Variants in JAKMIP1 observed in about 807,000 individuals in gnomAD.
The protein encoded by JAKMIP1 is janus kinase and microtubule-interacting protein 1.
In JAKMIP1, 33 loss-of-function variants were observed where a neutral mutation model predicts 113.0. The observed-to-expected ratio is 0.29, with a 90% confidence interval of 0.22 to 0.39. The LOEUF (loss-of-function observed/expected upper bound fraction) is 0.39, where lower values mean the gene tolerates loss of function less well. JAKMIP1 is among the 10% of genes least tolerant of loss of function. The probability of loss-of-function intolerance (pLI) is 1.00; values close to 1 mark genes in which losing one functional copy is unlikely to be tolerated. For missense variants in JAKMIP1, 813 were observed against 1,080.5 expected (o/e 0.75, Z 3.47); for synonymous variants, 480 against 459.9 (o/e 1.04, Z -0.56).
Position 6,081,709 on chromosome 4 carries a change from T to C in JAKMIP1, c.1001A>G (p.Glu334Gly), listed in dbSNP as rs1396727195. 1.2e-6 allele frequency: 2 copies of C among 1,614,148 alleles called. No homozygotes were observed. Among genetic ancestry groups the C allele is most frequent in the South Asian group, 1.1e-5 (1 of 91,078 alleles). ...ETEVQLKPLV[E>G]KNKRMNKKNE... ...CTTCTTGTTCATCCGCTTGTTCTTC[T>C]CCACCAGGGGCTTCAGCTGAACCTC... Residue 334 changes from glutamate to glycine, a missense_variant, in exon 6 of 21, where the codon GAG becomes GGG. Physicochemically the swap from Glu to Gly is moderately conservative, Grantham distance 98. Coordinates refer to ENST00000409021, the MANE Select transcript of JAKMIP1 (RefSeq NM_001099433.2). The surrounding 1 kb of genome is among the most constrained non-coding windows in gnomAD (Gnocchi z 4.6).
At chr4:6,033,697 C>T (rs138039807) in intron 19 of JAKMIP1, among the ~76,000 whole-genome samples, 1 of 152,250 alleles carries the variant, frequency 6.6e-6, no homozygotes, top group East Asian at 1.9e-4. Context: ...AATGCTGCAT[C>T]ATAGCTTTCC....
intron 19 of JAKMIP1, 68 bp downstream of exon 19, chr4:6,035,836 G>A: frequency 7.3e-7 from 1 of 1,362,250 alleles, no homozygotes; most frequent in Non-Finnish European, 1.0e-6. Flanking sequence ...GCCCATCAGG[G>A]TGCCAAGGTG....
intron 1 of JAKMIP1, among the ~76,000 whole-genome samples, chr4:6,166,331 C>T (rs905850861): frequency 1.4e-4 from 22 of 152,336 alleles, no homozygotes; most frequent in Admixed American, 4.6e-4. Context: ...CTGAAGGGCC[C>T]CTGGGCTCCC....
Position 6,176,996 on chromosome 4 carries a change from T to C in JAKMIP1, c.-148+23257A>G, listed in dbSNP as rs943387413. ...TGCAGTGAGCCATGATTTGTGCCAC[T>C]GCACTCCAGCCTGGGTGACAGAGTA... On this transcript the variant is annotated intron_variant, in intron 1 of 20. Transcript: ENST00000409021. The surrounding 1 kb of genome is among the most constrained non-coding windows in gnomAD (Gnocchi z 5.5). 6.6e-6 allele frequency among the ~76,000 whole-genome samples: 1 copy of C among 152,164 alleles called. No homozygotes were observed. Among genetic ancestry groups the C allele is most frequent in the Non-Finnish European group, 1.5e-5 (1 of 68,040 alleles).
At chr4:6,056,290 T>C (rs1260397982) in intron 12 of JAKMIP1, among the ~76,000 whole-genome samples, 2 of 138,978 alleles carry the variant, frequency 1.4e-5, no homozygotes, top group Non-Finnish European at 3.1e-5. Context: ...TCCCCATTTC[T>C]GCAGGGGTCC....
rs1280167963 is a variant in JAKMIP1, at chr4:6,129,123, C to T, written c.-147-16126G>A. On this transcript the variant is annotated intron_variant, in intron 1 of 20. Transcript: ENST00000409021. This position sits in a 1 kb window ranked among gnomAD's most constrained non-coding sequence, Gnocchi z 5.4. The stretch of plus-strand genomic sequence containing the variant: ...TGCTGGATGATGAAGACATCACACA[C>T]CCCACTTTCACTCCGCACTGTGGGG... Among the ~76,000 whole-genome samples the T allele has an allele frequency of 2.0e-5, 3 of 152,218 alleles. No homozygotes were observed. Among genetic ancestry groups the T allele is most frequent in the Admixed American group, 6.5e-5 (1 of 15,286 alleles).
chr4:6,043,061 G>C (rs1714545093), intron 16 of JAKMIP1, among the ~76,000 whole-genome samples: 1 of 152,042 alleles, frequency 6.6e-6, no homozygotes, highest in African/African-American at 2.4e-5. Context: ...GCACAGGGTG[G>C]CTGCCCTGTG....
At chr4:6,148,452 C>T (rs1172215112) in intron 1 of JAKMIP1, among the ~76,000 whole-genome samples, 1 of 152,260 alleles carries the variant, frequency 6.6e-6, no homozygotes, top group African/African-American at 2.4e-5. Flanking sequence ...TACTGTTCCC[C>T]ACAGTCCTTC....
chr4:6,085,318 G>GTGAT, intron 4 of JAKMIP1, 102 bp downstream of exon 4: 2 of 974,096 alleles, frequency 2.1e-6, no homozygotes, highest in Non-Finnish European at 3.0e-6. Flanking sequence ...GAATGAATGA[G>GTGAT]TGAATACATG....
chr4:6,050,099 T>A lies in JAKMIP1; in HGVS notation c.1909-227A>T, dbSNP rs1715467813. 6.6e-6 allele frequency among the ~76,000 whole-genome samples: 1 copy of A among 152,206 alleles called. No homozygotes were observed. The highest frequency in any genetic ancestry group is 1.5e-5 in the Non-Finnish European group (1 of 68,032). On this transcript the variant is annotated intron_variant, in intron 14 of 20. Transcript: ENST00000409021. The surrounding 1 kb of genome is among the most constrained non-coding windows in gnomAD (Gnocchi z 7.4). ...CAAACACTGCTTTCTAGAAAGGCCA[T>A]GGAAGCGGGTGAGTCAGGACGCTGT...
intron 3 of JAKMIP1, among the ~76,000 whole-genome samples, chr4:6,101,283 G>C (rs374779012): frequency 7.2e-4 from 110 of 152,104 alleles, no homozygotes; most frequent in African/African-American, 2.5e-3. Context: ...GTGTGTGTGT[G>C]TATTTCCTGT....
intron 13 of JAKMIP1, among the ~76,000 whole-genome samples, chr4:6,053,464 A>G (rs934078869): frequency 2.0e-5 from 3 of 152,236 alleles, no homozygotes; most frequent in African/African-American, 4.8e-5. Flanking sequence ...TAGTTTTCTT[A>G]AACGCCTATG....
Position 6,026,282 on chromosome 4 carries a change from T to A in JAKMIP1, c.2446-4A>T. On this transcript the variant is annotated splice_polypyrimidine_tract_variant and splice_region_variant and intron_variant, in intron 20 of 20. Coordinates refer to ENST00000409021, the MANE Select transcript of JAKMIP1 (RefSeq NM_001099433.2). ...AAAACAAAAAAAGGAACAAAAACTA[T>A]AAAATAATACCAAAAGAAAATGAGG... The A allele has an allele frequency of 7.7e-7, 1 of 1,303,298 alleles. No homozygotes were observed. Among genetic ancestry groups the A allele is most frequent in the East Asian group, 2.5e-5 (1 of 39,632 alleles). The allele number at this position is 1,303,298 out of a possible 1,614,324, so 80.7% of individuals were successfully genotyped here.
At chr4:6,052,468 G>A (rs765163837) in intron 13 of JAKMIP1, among the ~76,000 whole-genome samples, 5 of 151,806 alleles carry the variant, frequency 3.3e-5, no homozygotes, top group African/African-American at 9.7e-5. Flanking sequence ...CCAACATGGC[G>A]AAACCTGTGT....
chr4:6,154,173 G>T lies in JAKMIP1; in HGVS notation c.-147-41176C>A, dbSNP rs1721950956. ...CTCAGGGAGACACTGACCCTCGCAGGAGGGAAGACAGAGCGGAGCTGGACA... is the reference window on the plus strand; with the variant it reads ...CTCAGGGAGACACTGACCCTCGCAGTAGGGAAGACAGAGCGGAGCTGGACA... On this transcript the variant is annotated intron_variant, in intron 1 of 20. Coordinates refer to ENST00000409021, the MANE Select transcript of JAKMIP1 (RefSeq NM_001099433.2). This position sits in a 1 kb window ranked among gnomAD's most constrained non-coding sequence, Gnocchi z 4.2. Among the ~76,000 whole-genome samples the T allele has an allele frequency of 6.6e-6, 1 of 152,230 alleles. No individual in the cohort carries two copies. Among genetic ancestry groups the T allele is most frequent in the South Asian group, 2.1e-4 (1 of 4,834 alleles).
At chr4:6,095,264 G>C (rs1711550669) in intron 3 of JAKMIP1, among the ~76,000 whole-genome samples, 1 of 133,126 alleles carries the variant, frequency 7.5e-6, no homozygotes, top group Non-Finnish European at 1.6e-5. Flanking sequence ...GGGAAGGAAA[G>C]GAAGAAAGGA....
At position 6,184,488 on chromosome 4, in the gene JAKMIP1, G is replaced by A. The variant is rs1726415882; in HGVS notation, c.-148+15765C>T. ...AGGCAAGTGCAGTATAAGAGCCAGG[G>A]TGCCTTCCCTCTTCCTCAAGAAAAT... On this transcript the variant is annotated intron_variant, in intron 1 of 20. Transcript: ENST00000409021. The surrounding 1 kb of genome is among the most constrained non-coding windows in gnomAD (Gnocchi z 4.5). Among the ~76,000 whole-genome samples, 1 of 152,106 alleles carries A rather than the reference G, an allele frequency of 6.6e-6. No homozygotes were observed. The highest frequency in any genetic ancestry group is 1.5e-5 in the Non-Finnish European group (1 of 68,022).
At chr4:6,098,585 G>GAAAGAAAGAAA (rs1712298380) in intron 3 of JAKMIP1, among the ~76,000 whole-genome samples, 1 of 85,500 alleles carries the variant, frequency 1.2e-5, no homozygotes, top group African/African-American at 5.1e-5. Context: ...AAAGAAAGAA[G>GAAAGAAAGAAA]GAAAGGAAGA....
Position 6,089,427 on chromosome 4 carries a change from T to C in JAKMIP1, c.625-3798A>G, listed in dbSNP as rs745590759. Among the ~76,000 whole-genome samples the C allele has an allele frequency of 2.6e-5, 4 of 152,206 alleles. No individual in the cohort carries two copies. The highest frequency in any genetic ancestry group is 5.9e-5 in the Non-Finnish European group (4 of 68,044). On this transcript the variant is annotated intron_variant, in intron 3 of 20. Coordinates refer to ENST00000409021, the MANE Select transcript of JAKMIP1 (RefSeq NM_001099433.2). The surrounding 1 kb of genome is among the most constrained non-coding windows in gnomAD (Gnocchi z 5.3). ...AATGCTAGCGTGAGCTAGGTACTCATTTGTACTTAAGAGACACTCTCTGAG... is the reference window on the plus strand; with the variant it reads ...AATGCTAGCGTGAGCTAGGTACTCACTTGTACTTAAGAGACACTCTCTGAG...
Sources: gnomAD v4.1 joint callset for allele counts (sites outside exome capture counted in the v4.1 genomes callset) on GRCh38, gnomAD v4.1.1 for gene constraint, Gnocchi (gnomAD v3.1) non-coding constraint, MANE v1.5 for transcripts, NCBI Gene and HGNC (gene_info 2026-07-23, HGNC 2026-07-21) for gene names.